The following MITF variants were observed in gnomAD, a reference collection of about 807,000 sequenced individuals.
The protein encoded by MITF is microphthalmia-associated transcription factor.
MITF carries 17 observed loss-of-function variants against 60.5 expected under a neutral mutation model. That is an observed-to-expected ratio of 0.28 (90% CI 0.19 to 0.42). MITF has a LOEUF of 0.42. Among genes scored for constraint, MITF ranks in the 10% least tolerant of loss-of-function variants. The probability of loss-of-function intolerance (pLI) is 1.00; values close to 1 mark genes in which losing one functional copy is unlikely to be tolerated. For synonymous variants in MITF, 260 were observed against 248.5 expected, an observed-to-expected ratio of 1.05 and a Z score of -0.43; for missense variants, 622 against 683.5, an observed-to-expected ratio of 0.91 and a Z score of 1.00.
chr3:69,857,240 A>C (rs2063934246), intron 1 of MITF, among the ~76,000 whole-genome samples: 1 of 152,198 alleles, frequency 6.6e-6, no homozygotes, highest in Admixed American at 6.5e-5. Flanking sequence ...GATTACAAAA[A>C]CTTGGAACAG....
At chr3:69,950,875 G>A (rs1402977989) in intron 6 of MITF, among the ~76,000 whole-genome samples, 1 of 151,950 alleles carries the variant, frequency 6.6e-6, no homozygotes, top group African/African-American at 2.4e-5. Context: ...TGTCACAAGA[G>A]TTGCTATGCA....
intron 2 of MITF, among the ~76,000 whole-genome samples, chr3:69,897,878 C>T (rs1575911806): frequency 6.6e-6 from 1 of 152,200 alleles, no homozygotes; most frequent in Non-Finnish European, 1.5e-5. Flanking sequence ...ACCTGAGTCA[C>T]AGCTTGTGCT....
At chr3:69,917,105 A>G (rs765212494) in intron 2 of MITF, among the ~76,000 whole-genome samples, 36 of 152,214 alleles carry the variant, frequency 2.4e-4, no homozygotes, top group Non-Finnish European at 3.5e-4. Flanking sequence ...AAAAACAAGA[A>G]GGACATCTGA....
chr3:69,926,667 G>C (rs556520739), intron 2 of MITF, among the ~76,000 whole-genome samples: 2 of 152,102 alleles, frequency 1.3e-5, no homozygotes, highest in Non-Finnish European at 2.9e-5. Context: ...CTCCCATGGT[G>C]GGGGGGATCT....
chr3:69,785,602 GT>G (rs1264046221), intron 1 of MITF, among the ~76,000 whole-genome samples: 2 of 152,074 alleles, frequency 1.3e-5, no homozygotes, highest in Non-Finnish European at 2.9e-5. Flanking sequence ...ATCAGAACTG[GT>G]TTTTGCTTTT....
At chr3:69,822,849 C>T (rs78221612) in intron 1 of MITF, among the ~76,000 whole-genome samples, 6,641 of 151,558 alleles carry the variant, frequency 0.044, 243 homozygotes, top group Non-Finnish European at 0.062. Flanking sequence ...TACTCAACCC[C>T]GTCTTATTGA....
At chr3:69,856,431 T>C (rs2063920655) in intron 1 of MITF, among the ~76,000 whole-genome samples, 1 of 152,234 alleles carries the variant, frequency 6.6e-6, no homozygotes, top group Non-Finnish European at 1.5e-5. Flanking sequence ...AGGTCTGACC[T>C]GTATTGTGAA....
intron 1 of MITF, among the ~76,000 whole-genome samples, chr3:69,809,120 GGT>G (rs1185114904): frequency 6.6e-6 from 1 of 151,940 alleles, no homozygotes; most frequent in Non-Finnish European, 1.5e-5. Context: ...GTGAAGGAAG[GGT>G]ATTTAAAATT....
chr3:69,873,392 A>G (rs2107255929), intron 1 of MITF, among the ~76,000 whole-genome samples: 1 of 152,246 alleles, frequency 6.6e-6, no homozygotes, highest in East Asian at 1.9e-4. Flanking sequence ...ACCAACTCTT[A>G]TTTGTGCAGT....
chr3:69,804,498 T>C (rs1317173584), intron 1 of MITF, among the ~76,000 whole-genome samples: 3 of 152,174 alleles, frequency 2.0e-5, no homozygotes, highest in African/African-American at 7.2e-5. Context: ...AATTCTTCCA[T>C]GCCCAACATT....
Position 69,932,815 on chromosome 3 carries a change from C to T in MITF, c.355-5007C>T, listed in dbSNP as rs6770281. ...AGAAAGCTAGCTTTCTCTGTTTTAC[C>T]GCTTTTTTCAGGAAATATGATTGCA... is the stretch of plus-strand genomic sequence containing the variant. On this transcript the variant is annotated intron_variant, in intron 2 of 9. Coordinates refer to ENST00000352241, the MANE Select transcript of MITF (RefSeq NM_001354604.2). Among the ~76,000 whole-genome samples, 710 of 152,126 alleles carry T rather than the reference C, an allele frequency of 4.7e-3. 7 individuals are homozygous for T. Among genetic ancestry groups the T allele is most frequent in the African/African-American group, 0.015 (613 of 41,512 alleles).
chr3:69,893,736 G>A (rs2064811244), intron 2 of MITF, among the ~76,000 whole-genome samples: 1 of 152,116 alleles, frequency 6.6e-6, no homozygotes, highest in Non-Finnish European at 1.5e-5. Context: ...ATCAATTACT[G>A]TTGAATTACA....
At chr3:69,929,161 G>A (rs1197597582) in intron 2 of MITF, among the ~76,000 whole-genome samples, 1 of 152,116 alleles carries the variant, frequency 6.6e-6, no homozygotes, top group African/African-American at 2.4e-5. Flanking sequence ...GTGGCCCCTT[G>A]TTCTTCGGTT....
Position 69,937,922 on chromosome 3 carries a change from C to T in MITF, c.455C>T (p.Ala152Val), listed in dbSNP as rs2107479104. 6.2e-7 allele frequency: 1 copy of T among 1,614,150 alleles called. No homozygotes were observed. Among genetic ancestry groups the T allele is most frequent in the Non-Finnish European group, 8.5e-7 (1 of 1,180,008 alleles). ...TCTACCACTTTAGCAAATAAACATG[C>T]CAACCAAGTCCTGAGCTTGCCATGT... ...YLSTTLANKH[A>V]NQVLSLPCPN... is the part of the protein sequence containing the mutation. The change falls in exon 3 of 10, where the codon GCC (alanine) becomes GTC (valine). Residue 152 changes from alanine (A) to valine (V), a missense_variant. Transcript: ENST00000352241.
chr3:69,960,560 A>C (rs1399817632), intron 9 of MITF, among the ~76,000 whole-genome samples: 1 of 152,166 alleles, frequency 6.6e-6, no homozygotes, highest in African/African-American at 2.4e-5. Flanking sequence ...GGGTAATTTT[A>C]ATTTGCTGAC....
intron 5 of MITF, among the ~76,000 whole-genome samples, chr3:69,943,339 G>T (rs1027909679): frequency 2.0e-5 from 3 of 152,038 alleles, no homozygotes; most frequent in Non-Finnish European, 2.9e-5. Context: ...AGAGGTTTCT[G>T]ACCAGATCTG....
At chr3:69,768,835 A>G (rs182788495) in intron 1 of MITF, among the ~76,000 whole-genome samples, 41 of 152,330 alleles carry the variant, frequency 2.7e-4, no homozygotes, top group Admixed American at 2.4e-3. Context: ...ACAAATTCCT[A>G]GGAAGCCATT....
chr3:69,882,994 G>C (rs1312288446), intron 2 of MITF, among the ~76,000 whole-genome samples: 1 of 152,060 alleles, frequency 6.6e-6, no homozygotes, highest in South Asian at 2.1e-4. Flanking sequence ...CACTACCTCT[G>C]TCTCTCCCTC....
intron 1 of MITF, among the ~76,000 whole-genome samples, chr3:69,807,536 AATTTC>A (rs1285208295): frequency 2.6e-5 from 4 of 152,336 alleles, no homozygotes; most frequent in African/African-American, 9.6e-5. Flanking sequence ...ATGGAAATGT[AATTTC>A]ATTTCTTCTA....
Sources: allele counts gnomAD v4.1 joint callset (sites outside exome capture counted in the v4.1 genomes callset), GRCh38; gene constraint gnomAD v4.1.1; transcripts MANE v1.5; gene names NCBI Gene and HGNC (gene_info 2026-07-23, HGNC 2026-07-21).